C9orf85: variants seen among roughly 807,000 people sequenced by gnomAD.
C9orf85 encodes the protein uncharacterized protein C9orf85.
A neutral mutation model predicts 14.9 loss-of-function variants in C9orf85; 16 were observed. That is an observed-to-expected ratio of 1.08 (90% CI 0.73 to 1.63). The LOEUF is 1.63. C9orf85 is among the 40% of genes most tolerant of loss of function. The pLI, the probability that C9orf85 is intolerant of heterozygous loss-of-function variation, is 0.00. For synonymous variants in C9orf85, 45 were observed against 56.8 expected (o/e 0.79, Z 0.93); for missense variants, 172 against 186.1 (o/e 0.92, Z 0.44).
intron 3 of C9orf85, among the ~76,000 whole-genome samples, chr9:71,972,362 C>T (rs1251099329): frequency 2.6e-5 from 4 of 152,180 alleles, no homozygotes; most frequent in Middle Eastern, 3.4e-3. Flanking sequence ...CAAGTTCAAG[C>T]GATTCTCCTG....
chr9:71,965,710 G>A (rs1445492184), intron 2 of C9orf85, among the ~76,000 whole-genome samples: 1 of 152,124 alleles, frequency 6.6e-6, no homozygotes, highest in Non-Finnish European at 1.5e-5. Flanking sequence ...TGGGTTTACA[G>A]GCATGAGCCA....
intron 3 of C9orf85, 81 bp from the exon 4 acceptor site, chr9:71,972,611 A>G: frequency 1.0e-6 from 1 of 980,440 alleles, no homozygotes; most frequent in Non-Finnish European, 1.5e-6. Flanking sequence ...CAAGAAGTGT[A>G]GTGGTAAAAG....
chr9:71,933,776 C>T (rs1828125822), intron 1 of C9orf85, among the ~76,000 whole-genome samples: 1 of 152,186 alleles, frequency 6.6e-6, no homozygotes, highest in South Asian at 2.1e-4. Context: ...TAAGAGGGAA[C>T]TGAGAACTAA....
intron 1 of C9orf85, among the ~76,000 whole-genome samples, chr9:71,936,650 A>G (rs1378072889): frequency 4.6e-5 from 7 of 152,156 alleles, no homozygotes; most frequent in African/African-American, 1.4e-4. Flanking sequence ...GTTCAAAGAT[A>G]ATTTTAAAAC....
intron 2 of C9orf85, among the ~76,000 whole-genome samples, chr9:71,961,476 G>A (rs758383827): frequency 3.3e-5 from 5 of 152,000 alleles, no homozygotes; most frequent in Non-Finnish European, 5.9e-5. Context: ...CAGGAGAATC[G>A]CTTGAACCTG....
At chr9:71,957,885 T>C (rs1276981333) in intron 2 of C9orf85, among the ~76,000 whole-genome samples, 1 of 152,194 alleles carries the variant, frequency 6.6e-6, no homozygotes, top group Non-Finnish European at 1.5e-5. Flanking sequence ...CTTAGATCAA[T>C]AAAATCCTTA....
chr9:71,950,348 A>G (rs1822213145), intron 2 of C9orf85, among the ~76,000 whole-genome samples: 1 of 141,270 alleles, frequency 7.1e-6, no homozygotes, highest in Non-Finnish European at 1.5e-5. Flanking sequence ...TTTGTATATG[A>G]ATTTTACTGG....
At chr9:71,971,713 C>T (rs1822872951) in intron 3 of C9orf85, 95 bp downstream of exon 3, 1 of 794,442 alleles carries the variant, frequency 1.3e-6, no homozygotes. Flanking sequence ...GTGGCTCACG[C>T]CTGTAATCCC....
At position 71,911,751 on chromosome 9, in the gene C9orf85, G is replaced by T; in HGVS notation, c.17G>T (p.Gly6Val). ...ATTTCGGCGATGAGCTCCCAGAAAGGCAACGTGGCTCGTTCCAGACCTCAG... is the reference window on the plus strand; with the variant it reads ...ATTTCGGCGATGAGCTCCCAGAAAGTCAACGTGGCTCGTTCCAGACCTCAG... MSSQK[G>V]NVARSRPQKH... The change falls in exon 1 of 4, where the codon GGC becomes GTC. Residue 6 changes from glycine (G) to valine (V), a missense_variant. Physicochemically the swap from Gly to Val is moderately radical, Grantham distance 109. Transcript: ENST00000334731. 1.2e-6 allele frequency: 2 copies of T among 1,614,134 alleles called. No individual in the cohort carries two copies. Among genetic ancestry groups the T allele is most frequent in the Non-Finnish European group, 8.5e-7 (1 of 1,180,012 alleles).
chr9:71,952,435 G>A (rs1822270406), intron 2 of C9orf85, among the ~76,000 whole-genome samples: 1 of 152,190 alleles, frequency 6.6e-6, no homozygotes, highest in African/African-American at 2.4e-5. Flanking sequence ...CACGATGTCA[G>A]CTCACTGCAA....
chr9:71,971,435 G>A, intron 2 of C9orf85, 70 bp from the exon 3 acceptor site: 1 of 918,266 alleles, frequency 1.1e-6, no homozygotes. Flanking sequence ...TATACATTTA[G>A]ACACATCTTA....
chr9:71,962,795 C>CTT (rs1822555093), intron 2 of C9orf85, among the ~76,000 whole-genome samples: 1 of 152,142 alleles, frequency 6.6e-6, no homozygotes, highest in Non-Finnish European at 1.5e-5. Flanking sequence ...GTGGCTCATG[C>CTT]TTGTAATCCT....
intron 2 of C9orf85, among the ~76,000 whole-genome samples, chr9:71,959,285 G>A (rs1246053898): frequency 2.0e-5 from 3 of 151,658 alleles, no homozygotes; most frequent in Admixed American, 6.6e-5. Context: ...TTACAGGCAC[G>A]CCCCACCATG....
intron 1 of C9orf85, among the ~76,000 whole-genome samples, chr9:71,912,223 T>C (rs540415060): frequency 5.9e-5 from 9 of 152,280 alleles, no homozygotes; most frequent in Admixed American, 1.3e-4. Flanking sequence ...GATTTTTTTT[T>C]CCAAAAACCC....
intron 1 of C9orf85, among the ~76,000 whole-genome samples, chr9:71,927,158 G>T (rs1173965715): frequency 6.6e-6 from 1 of 151,348 alleles, no homozygotes; most frequent in Non-Finnish European, 1.5e-5. Context: ...GTAGGGTAAG[G>T]TCTACAAAAT....
intron 2 of C9orf85, among the ~76,000 whole-genome samples, chr9:71,950,808 T>C (rs944611202): frequency 1.3e-5 from 2 of 152,228 alleles, no homozygotes; most frequent in Non-Finnish European, 2.9e-5. Flanking sequence ...AGAAAAGTTC[T>C]GCACAACATA....
At chr9:71,923,112 A>G (rs1185780124) in intron 1 of C9orf85, among the ~76,000 whole-genome samples, 1 of 152,196 alleles carries the variant, frequency 6.6e-6, no homozygotes, top group Non-Finnish European at 1.5e-5. Context: ...CCTGGGCAAC[A>G]GTGCAAGACT....
intron 1 of C9orf85, among the ~76,000 whole-genome samples, chr9:71,926,404 G>A (rs1401236069): frequency 2.0e-5 from 3 of 152,060 alleles, no homozygotes; most frequent in Non-Finnish European, 4.4e-5. Flanking sequence ...TACCATATTG[G>A]ATAATGTAGA....
intron 1 of C9orf85, among the ~76,000 whole-genome samples, chr9:71,926,335 G>A (rs945843654): frequency 3.3e-5 from 5 of 152,042 alleles, no homozygotes; most frequent in Non-Finnish European, 5.9e-5. Flanking sequence ...AGCACAACTG[G>A]GGAATTTTAA....
Sources: gnomAD v4.1 joint callset for allele counts (sites outside exome capture counted in the v4.1 genomes callset) on GRCh38, gnomAD v4.1.1 for gene constraint, MANE v1.5 for transcripts, NCBI Gene and HGNC (gene_info 2026-07-23, HGNC 2026-07-21) for gene names.